Variants in ACAA2 observed in about 807,000 individuals in gnomAD.
The protein encoded by ACAA2 is acetyl-CoA acyltransferase 2.
A neutral mutation model predicts 44.8 loss-of-function variants in ACAA2; 35 were observed. The ratio of observed to expected loss-of-function variants is 0.78; its 90% CI spans 0.60 to 1.04. The LOEUF (loss-of-function observed/expected upper bound fraction) is 1.04, where lower values mean the gene tolerates loss of function less well. ACAA2 is among the 50% of genes least tolerant of loss of function. The pLI is 0.00. For missense variants in ACAA2, 468 were observed against 482.6 expected (o/e 0.97, Z 0.28); for synonymous variants, 142 against 166.5 (o/e 0.85, Z 1.13).
At chr18:49,808,252 G>A (rs537123907) in intron 1 of ACAA2, among the ~76,000 whole-genome samples, 30 of 152,314 alleles carry the variant, frequency 2.0e-4, no homozygotes, top group Non-Finnish European at 3.8e-4. Context: ...CACTGCTGGT[G>A]GGAATGCAAA....
intron 2 of ACAA2, among the ~76,000 whole-genome samples, chr18:49,800,431 C>T (rs185476625): frequency 8.5e-5 from 13 of 152,240 alleles, no homozygotes; most frequent in African/African-American, 2.4e-4. Context: ...CCATGATGAC[C>T]GTGGCGGTTT....
intron 1 of ACAA2, among the ~76,000 whole-genome samples, chr18:49,807,982 T>TAAA (rs571108352): frequency 1.2e-4 from 14 of 116,286 alleles, no homozygotes; most frequent in African/African-American, 4.1e-4. Flanking sequence ...GCTCAGCAAT[T>TAAA]AAAAAAAAAA....
intron 1 of ACAA2, among the ~76,000 whole-genome samples, chr18:49,805,038 A>G (rs1246179880): frequency 1.3e-5 from 2 of 152,240 alleles, no homozygotes; most frequent in Non-Finnish European, 2.9e-5. Context: ...TAGCTAACAT[A>G]GAGGGGACAC....
At position 49,785,311 on chromosome 18, in the gene ACAA2, C is replaced by T. The variant is rs377136498; in HGVS notation, c.995G>A (p.Arg332Lys). 1.2e-6 allele frequency: 2 copies of T among 1,614,022 alleles called. No homozygotes were observed. Among genetic ancestry groups the T allele is most frequent in the Admixed American group, 1.7e-5 (1 of 59,994 alleles). The change falls in exon 9 of 10, where the codon AGG becomes AAG. Residue 332 changes from arginine to lysine, a missense_variant. By Grantham distance (26) the Arg-to-Lys change is conservative. Coordinates refer to ENST00000285093, the MANE Select transcript of ACAA2 (RefSeq NM_006111.3). Reference sequence around the variant, plus strand: ...TTTACTTATGTCAAGATCCAAACTCCTCTCAACAGCCAAGTACTGGGGAGC... The same window carrying T: ...TTTACTTATGTCAAGATCCAAACTCTTCTCAACAGCCAAGTACTGGGGAGC... Reference protein sequence around the residue: ...AFAPQYLAVERSLDLDISKTN... With the variant: ...AFAPQYLAVEKSLDLDISKTN...
chr18:49,793,749 C>G (rs749774226), intron 5 of ACAA2, among the ~76,000 whole-genome samples: 67 of 152,326 alleles, frequency 4.4e-4, no homozygotes, highest in Non-Finnish European at 8.7e-4. Context: ...TCTATAGCAA[C>G]CTGCTGTGCT....
intron 2 of ACAA2, 127 bp downstream of exon 2, chr18:49,802,560 C>T: frequency 3.4e-6 from 2 of 592,564 alleles, no homozygotes; most frequent in Non-Finnish European, 4.7e-6. Flanking sequence ...GACTCCATCT[C>T]AAAAAAAAAA....
At chr18:49,799,468 C>T (rs75318196) in intron 2 of ACAA2, among the ~76,000 whole-genome samples, 225 of 152,360 alleles carry the variant, frequency 1.5e-3, no homozygotes, top group African/African-American at 5.2e-3. Context: ...CCGCCAGCCT[C>T]GGCCTCCCGG....
At chr18:49,805,682 TC>T (rs1331333580) in intron 1 of ACAA2, among the ~76,000 whole-genome samples, 3 of 151,938 alleles carry the variant, frequency 2.0e-5, no homozygotes, top group Non-Finnish European at 4.4e-5. Context: ...ACTCAAGTGA[TC>T]CCCCTGCCTC....
intron 5 of ACAA2, 120 bp from the exon 6 acceptor site, chr18:49,792,447 G>T: frequency 2.1e-6 from 2 of 947,642 alleles, no homozygotes; most frequent in Non-Finnish European, 3.0e-6. Context: ...TTAATATTGA[G>T]TCTTTATTAA....
chr18:49,798,397 A>G (rs758799576), intron 2 of ACAA2, among the ~76,000 whole-genome samples: 3 of 152,106 alleles, frequency 2.0e-5, no homozygotes, highest in Non-Finnish European at 4.4e-5. Flanking sequence ...TCTGCCGGAG[A>G]TTCTGCATTT....
intron 7 of ACAA2, among the ~76,000 whole-genome samples, chr18:49,787,980 C>CT (rs2023353747): frequency 1.3e-5 from 2 of 152,162 alleles, no homozygotes; most frequent in Admixed American, 1.3e-4. Flanking sequence ...AGATGGGAAA[C>CT]TACGAGGCAC....
At chr18:49,799,901 C>T (rs2023518590) in intron 2 of ACAA2, among the ~76,000 whole-genome samples, 1 of 139,878 alleles carries the variant, frequency 7.1e-6, no homozygotes, top group Non-Finnish European at 1.5e-5. Context: ...GCGTCTCTGC[C>T]CGGCTGCCCC....
At position 49,791,173 on chromosome 18, in the gene ACAA2, TTC is replaced by T. The variant is rs1459111663; in HGVS notation, c.883+295_883+296del. The stretch of plus-strand genomic sequence containing the variant: ...AGGATCACGTAATTCTTCTGTTATT[TTC>T]TGTGTTGATTTCTAAACTCTCAAAG... On this transcript the variant is annotated intron_variant, in intron 7 of 9. Transcript: ENST00000285093. 3.9e-5 allele frequency among the ~76,000 whole-genome samples: 6 copies of T among 152,360 alleles called. No homozygotes were observed. The East Asian group carries it at 1.2e-3, about 29-fold the overall frequency.
intron 2 of ACAA2, among the ~76,000 whole-genome samples, chr18:49,802,335 A>G (rs768039578): frequency 4.7e-4 from 71 of 152,134 alleles, no homozygotes; most frequent in Admixed American, 1.0e-3. Flanking sequence ...GGGCCGAGAC[A>G]GGAGAATCAC....
At chr18:49,812,574 T>C (rs375363797) in intron 1 of ACAA2, among the ~76,000 whole-genome samples, 1 of 152,182 alleles carries the variant, frequency 6.6e-6, no homozygotes, top group South Asian at 2.1e-4. Flanking sequence ...CATCATTTGC[T>C]GCTCCCTGGA....
At position 49,782,823 on chromosome 18, in the gene ACAA2, G is replaced by A. The variant is rs2023282347; in HGVS notation, c.*1024C>T. The stretch of plus-strand genomic sequence containing the variant: ...AGATCGCGCCACTGCACTCCAGCCT[G>A]GAGGACAGAGCGAGACTCTGTCTCA... On this transcript the variant is annotated 3_prime_UTR_variant, in exon 10 of 10. Transcript: ENST00000285093. The A allele has an allele frequency of 6.6e-6, 1 of 151,176 alleles. No individual in the cohort carries two copies. The highest frequency in any genetic ancestry group is 1.5e-5 in the Non-Finnish European group (1 of 67,974). The allele number at this position is 151,176 out of a possible 1,614,324, so 9.4% of individuals were successfully genotyped here.
chr18:49,811,838 A>G (rs1281864165), intron 1 of ACAA2, among the ~76,000 whole-genome samples: 1 of 152,162 alleles, frequency 6.6e-6, no homozygotes, highest in Non-Finnish European at 1.5e-5. Context: ...CACTAGCTCT[A>G]ACACTACAGT....
chr18:49,792,477 C>G, intron 5 of ACAA2, 150 bp from the exon 6 acceptor site: 1 of 757,834 alleles, frequency 1.3e-6, no homozygotes, highest in Non-Finnish European at 2.0e-6. Flanking sequence ...TGGAGTCTCA[C>G]ATTGTCGCCT....
At chr18:49,811,644 T>G (rs1323989351) in intron 1 of ACAA2, 1 of 152,198 alleles carries the variant, frequency 6.6e-6, no homozygotes, top group African/African-American at 2.4e-5. Flanking sequence ...ACACTTGGTA[T>G]GCTGCTTGAG....
Sources: allele counts gnomAD v4.1 joint callset (sites outside exome capture counted in the v4.1 genomes callset), GRCh38; gene constraint gnomAD v4.1.1; transcripts MANE v1.5; gene names NCBI Gene and HGNC (gene_info 2026-07-23, HGNC 2026-07-21).